Variants in CEP112 observed in about 807,000 individuals in gnomAD.
CEP112 encodes centrosomal protein 112, also known as centrosomal protein of 112 kDa.
A neutral mutation model predicts 153.0 loss-of-function variants in CEP112; 127 were observed. That is an observed-to-expected ratio of 0.83 (90% CI 0.72 to 0.96). The LOEUF is 0.96. CEP112 is among the 40% of genes least tolerant of loss of function. The pLI is 0.00. For missense variants in CEP112, 1,089 were observed against 1,101.2 expected (o/e 0.99, Z 0.16); for synonymous variants, 358 against 374.4 (o/e 0.96, Z 0.51).
At chr17:65,835,731 A>G (rs1331938758) in intron 21 of CEP112, among the ~76,000 whole-genome samples, 2 of 152,238 alleles carry the variant, frequency 1.3e-5, no homozygotes, top group Non-Finnish European at 2.9e-5. Context: ...TTTTTCAATC[A>G]GCAAGAAAGA....
chr17:65,795,127 G>A (rs1418010334), intron 21 of CEP112, among the ~76,000 whole-genome samples: 2 of 152,168 alleles, frequency 1.3e-5, no homozygotes, highest in African/African-American at 4.8e-5. Context: ...TGGCAACACT[G>A]TCACTTGGTA....
At chr17:65,770,730 T>G (rs1015932151) in intron 21 of CEP112, among the ~76,000 whole-genome samples, 2 of 152,088 alleles carry the variant, frequency 1.3e-5, no homozygotes, top group Admixed American at 1.3e-4. Context: ...AAACTTACAT[T>G]TTATATGATC....
intron 21 of CEP112, among the ~76,000 whole-genome samples, chr17:65,756,046 C>T (rs1002068221): frequency 6.6e-6 from 1 of 152,108 alleles, no homozygotes; most frequent in African/African-American, 2.4e-5. Context: ...ATACTCAGCC[C>T]TGGGCCTGCA....
At chr17:65,860,542 T>C (rs565528113) in intron 20 of CEP112, among the ~76,000 whole-genome samples, 24 of 152,268 alleles carry the variant, frequency 1.6e-4, no homozygotes, top group Admixed American at 1.2e-3. Flanking sequence ...AGTCTTATCA[T>C]AGAGAACAGA....
Position 65,961,643 on chromosome 17 carries a change from T to C in CEP112, c.1737-45A>G, listed in dbSNP as rs1228973044. The C allele has an allele frequency of 2.0e-6, 3 of 1,520,710 alleles. No homozygotes were observed. In the East Asian group the frequency reaches 6.9e-5, roughly 35 times the overall value. 94.2% of individuals were successfully genotyped at this position (1,520,710 alleles called of 1,614,324 possible). On this transcript the variant is annotated intron_variant, in intron 17 of 26. Transcript: ENST00000535342. Reference sequence around the variant, plus strand: ...CTTCAGAGTTAAAATATAAAAGAGCTAGGCCTGAATGAAAGAACAATATTT... The same window carrying C: ...CTTCAGAGTTAAAATATAAAAGAGCCAGGCCTGAATGAAAGAACAATATTT...
At chr17:66,144,728 G>A (rs1272323323) in intron 4 of CEP112, among the ~76,000 whole-genome samples, 1 of 152,128 alleles carries the variant, frequency 6.6e-6, no homozygotes, top group Non-Finnish European at 1.5e-5. Flanking sequence ...TTATTGCTTT[G>A]TAGTATTCCA....
At chr17:65,735,204 T>G (rs2050730362) in intron 23 of CEP112, among the ~76,000 whole-genome samples, 1 of 152,216 alleles carries the variant, frequency 6.6e-6, no homozygotes, top group Non-Finnish European at 1.5e-5. Context: ...ATATAGTCAG[T>G]TGTTATCCTT....
intron 19 of CEP112, 101 bp downstream of exon 19, chr17:65,927,481 A>T: frequency 1.5e-6 from 1 of 672,280 alleles, no homozygotes; most frequent in Non-Finnish European, 2.5e-6. Flanking sequence ...AGCTCTTAGT[A>T]ATATTTTCAT....
At chr17:66,009,944 T>C (rs1316694810) in intron 16 of CEP112, among the ~76,000 whole-genome samples, 1 of 152,184 alleles carries the variant, frequency 6.6e-6, no homozygotes, top group Middle Eastern at 3.2e-3. Flanking sequence ...GGATATTCAA[T>C]CTCTTTTTTG....
chr17:65,994,949 C>T (rs1255007410), intron 17 of CEP112, among the ~76,000 whole-genome samples: 1 of 152,154 alleles, frequency 6.6e-6, no homozygotes, highest in African/African-American at 2.4e-5. Context: ...CCATCAACCC[C>T]TGAACTAAAC....
At chr17:65,679,128 G>GTTTT (rs2047377600) in intron 24 of CEP112, among the ~76,000 whole-genome samples, 1 of 39,414 alleles carries the variant, frequency 2.5e-5, no homozygotes, top group African/African-American at 7.6e-5. Context: ...TGTGGTTCAA[G>GTTTT]CTTTTTTTTT....
chr17:66,050,725 C>G (rs1359482005), intron 12 of CEP112, among the ~76,000 whole-genome samples: 1 of 152,084 alleles, frequency 6.6e-6, no homozygotes, highest in African/African-American at 2.4e-5. Context: ...AGCCCTCTTC[C>G]AGAGATGCCT....
At chr17:65,885,007 C>T (rs1022265110) in intron 20 of CEP112, among the ~76,000 whole-genome samples, 4 of 151,994 alleles carry the variant, frequency 2.6e-5, no homozygotes, top group Admixed American at 6.6e-5. Context: ...TGAGCCATCG[C>T]GCCCGGCCTA....
chr17:66,090,355 T>C (rs576041980), intron 8 of CEP112, among the ~76,000 whole-genome samples: 21 of 152,114 alleles, frequency 1.4e-4, no homozygotes, highest in Admixed American at 1.3e-3. Context: ...TATTTAAATA[T>C]AATAGCCACA....
intron 24 of CEP112, among the ~76,000 whole-genome samples, chr17:65,684,632 A>G (rs1449790488): frequency 6.6e-6 from 1 of 152,232 alleles, no homozygotes; most frequent in African/African-American, 2.4e-5. Flanking sequence ...CCCATTGTGA[A>G]TAATGAAACT....
At chr17:66,146,346 T>C (rs1316408850) in intron 4 of CEP112, among the ~76,000 whole-genome samples, 3 of 152,138 alleles carry the variant, frequency 2.0e-5, no homozygotes, top group Non-Finnish European at 4.4e-5. Context: ...TTAGTTTTTC[T>C]GTCTTTCAAG....
In CEP112 at chr17:65,727,549, C is replaced by T. The variant is rs140254413; in HGVS notation, c.2607+15519G>A. Among the ~76,000 whole-genome samples the T allele has an allele frequency of 1.5e-3, 234 of 152,204 alleles. 1 individual carries two copies. Among genetic ancestry groups the T allele is most frequent in the African/African-American group, 2.9e-3 (121 of 41,522 alleles). On this transcript the variant is annotated intron_variant, in intron 23 of 26. Transcript: ENST00000535342. ...GGAATAAGAAATACATTCAAGGACTCTGGTGAGAGACTTGAGATAAATTGG... is the reference window on the plus strand; with the variant it reads ...GGAATAAGAAATACATTCAAGGACTTTGGTGAGAGACTTGAGATAAATTGG...
At chr17:65,759,103 T>A (rs944787723) in intron 21 of CEP112, among the ~76,000 whole-genome samples, 1 of 152,174 alleles carries the variant, frequency 6.6e-6, no homozygotes, top group African/African-American at 2.4e-5. Context: ...CTGGTCGTCC[T>A]TGCTGCTACA....
intron 6 of CEP112, among the ~76,000 whole-genome samples, chr17:66,114,823 C>T (rs1043090974): frequency 2.0e-5 from 3 of 152,034 alleles, no homozygotes; most frequent in Non-Finnish European, 4.4e-5. Context: ...ATGCACCTAA[C>T]TGTATTAGTC....
Sources: allele counts gnomAD v4.1 joint callset (sites outside exome capture counted in the v4.1 genomes callset), GRCh38; gene constraint gnomAD v4.1.1; transcripts MANE v1.5; gene names NCBI Gene and HGNC (gene_info 2026-07-23, HGNC 2026-07-21).